DAB2IP: variants seen among roughly 807,000 people sequenced by gnomAD.
The protein encoded by DAB2IP is DAB2 interacting protein.
DAB2IP carries 28 observed loss-of-function variants against 107.2 expected under a neutral mutation model. The ratio of observed to expected loss-of-function variants is 0.26; its 90% CI spans 0.19 to 0.36. The LOEUF is 0.36. DAB2IP is among the 10% of genes least tolerant of loss of function. The pLI is 1.00. For synonymous variants in DAB2IP, 755 were observed against 706.4 expected (o/e 1.07, Z -1.09); for missense variants, 1,400 against 1,644.7 (o/e 0.85, Z 2.57).
intron 1 of DAB2IP, among the ~76,000 whole-genome samples, chr9:121,582,743 G>A (rs1238434507): frequency 1.3e-5 from 2 of 152,174 alleles, no homozygotes; most frequent in Admixed American, 1.3e-4. Flanking sequence ...ACTCTCTTCT[G>A]AGCCGGAAAC....
At chr9:121,571,474 A>G (rs1179613691) in intron 1 of DAB2IP, among the ~76,000 whole-genome samples, 1 of 152,118 alleles carries the variant, frequency 6.6e-6, no homozygotes, top group Non-Finnish European at 1.5e-5. Context: ...ATTCTCTGAT[A>G]CTTACAATCT....
intron 3 of DAB2IP, among the ~76,000 whole-genome samples, chr9:121,707,105 C>A (rs547249529): frequency 6.6e-6 from 1 of 152,186 alleles, no homozygotes; most frequent in African/African-American, 2.4e-5. Context: ...TAGGGTTATC[C>A]CCTTGTAGAC....
chr9:121,700,927 C>T (rs1829742012), intron 3 of DAB2IP, among the ~76,000 whole-genome samples: 1 of 152,200 alleles, frequency 6.6e-6, no homozygotes, highest in Non-Finnish European at 1.5e-5. Context: ...GCGCTGGGTG[C>T]AGTCACTGCG....
intron 8 of DAB2IP, 65 bp downstream of exon 8, chr9:121,763,944 A>G: frequency 6.3e-7 from 1 of 1,585,860 alleles, no homozygotes; most frequent in Non-Finnish European, 8.6e-7. Flanking sequence ...AGTGTCTGGC[A>G]CCCGCAGTGT....
intron 3 of DAB2IP, among the ~76,000 whole-genome samples, chr9:121,703,482 C>G (rs1829889588): frequency 6.6e-6 from 1 of 152,082 alleles, no homozygotes; most frequent in African/African-American, 2.4e-5. Context: ...TGTATGTGAT[C>G]TTTGGATTTG....
intron 1 of DAB2IP, among the ~76,000 whole-genome samples, chr9:121,630,311 G>A (rs989968057): frequency 1.3e-5 from 2 of 152,124 alleles, no homozygotes; most frequent in African/African-American, 4.8e-5. Context: ...AGATCACAAG[G>A]TCAGGAGTTT....
At chr9:121,663,426 C>G (rs1984037) in intron 1 of DAB2IP, among the ~76,000 whole-genome samples, 55,083 of 151,914 alleles carry the variant, frequency 0.36, 11,007 homozygotes, top group African/African-American at 0.54. Flanking sequence ...CCCCTCTGAG[C>G]AGCTGCTGTG....
intron 1 of DAB2IP, among the ~76,000 whole-genome samples, chr9:121,582,545 C>T (rs776720028): frequency 4.6e-5 from 7 of 152,024 alleles, no homozygotes; most frequent in Non-Finnish European, 1.0e-4. Flanking sequence ...CACTGGCGCC[C>T]CCGTGACTCT....
At chr9:121,688,521 C>T (rs573859398) in intron 2 of DAB2IP, among the ~76,000 whole-genome samples, 11 of 152,258 alleles carry the variant, frequency 7.2e-5, no homozygotes, top group Non-Finnish European at 1.2e-4. Flanking sequence ...GCGGATCCTT[C>T]TACCCACAAT....
chr9:121,750,438 C>G (rs1833034475), intron 3 of DAB2IP, among the ~76,000 whole-genome samples: 1 of 152,188 alleles, frequency 6.6e-6, no homozygotes, highest in Non-Finnish European at 1.5e-5. Flanking sequence ...TAAAGGGGCC[C>G]CCCGGCTCCT....
chr9:121,651,897 G>A lies in DAB2IP; in HGVS notation c.122G>A (p.Arg41Lys), dbSNP rs1832758567. ...TCCCGCAGCCGGACCCGGCCTGCCA[G>A]GGGTAGGCGCCACCCCGACCCCTGA... The change falls in exon 1 of 16, where the codon AGG becomes AAG. Residue 41 changes from arginine to lysine, a missense_variant and splice_region_variant. This residue lies in a region of DAB2IP where 283 missense variants were observed against 237.0 expected (regional missense o/e 1.19). Transcript: ENST00000408936. This position sits in a 1 kb window ranked among gnomAD's most constrained non-coding sequence, Gnocchi z 5.1. 1 of 1,398,918 alleles carries A rather than the reference G, an allele frequency of 7.1e-7. No individual in the cohort carries two copies. The highest frequency in any genetic ancestry group is 9.3e-7 in the Non-Finnish European group (1 of 1,069,636). 86.7% of individuals were successfully genotyped at this position (1,398,918 alleles called of 1,614,324 possible).
intron 3 of DAB2IP, among the ~76,000 whole-genome samples, chr9:121,755,590 GC>G (rs777209757): frequency 2.1e-4 from 32 of 152,194 alleles, no homozygotes; most frequent in Non-Finnish European, 3.4e-4. Flanking sequence ...ACGGCATCTA[GC>G]ATGGGACTCC....
chr9:121,630,526 TAA>T (rs111323086), intron 1 of DAB2IP, among the ~76,000 whole-genome samples: 3 of 103,458 alleles, frequency 2.9e-5, no homozygotes, highest in African/African-American at 1.8e-4. Context: ...CTCCATCTCA[TAA>T]AAAAATTTTT....
intron 1 of DAB2IP, among the ~76,000 whole-genome samples, chr9:121,656,249 A>G (rs1832968837): frequency 1.3e-5 from 2 of 151,622 alleles, no homozygotes; most frequent in Admixed American, 6.6e-5. Context: ...CTCAGGTGAT[A>G]CACCCGCCTC....
chr9:121,692,034 A>G (rs1403063525), intron 2 of DAB2IP, among the ~76,000 whole-genome samples: 1 of 152,204 alleles, frequency 6.6e-6, no homozygotes, highest in East Asian at 1.9e-4. Flanking sequence ...TTATCTTGGA[A>G]GCCGTTAAGA....
intron 1 of DAB2IP, among the ~76,000 whole-genome samples, chr9:121,597,304 G>A (rs1489100353): frequency 2.0e-5 from 3 of 152,024 alleles, no homozygotes; most frequent in Non-Finnish European, 2.9e-5. Flanking sequence ...TGTGAGGTAG[G>A]GATTCAGCTC....
intron 1 of DAB2IP, among the ~76,000 whole-genome samples, chr9:121,622,206 T>G (rs987315529): frequency 6.6e-6 from 1 of 152,028 alleles, no homozygotes; most frequent in Non-Finnish European, 1.5e-5. Context: ...GCCACGATGG[T>G]CTCGATTTCC....
chr9:121,588,263 A>G (rs1830348509), intron 1 of DAB2IP, among the ~76,000 whole-genome samples: 1 of 152,104 alleles, frequency 6.6e-6, no homozygotes, highest in East Asian at 1.9e-4. Flanking sequence ...CTTCTGTCTC[A>G]AGAAGAGCCG....
At chr9:121,734,052 C>G (rs1375635069) in intron 3 of DAB2IP, among the ~76,000 whole-genome samples, 1 of 152,246 alleles carries the variant, frequency 6.6e-6, no homozygotes, top group Admixed American at 6.5e-5. Flanking sequence ...CAAGAATGGT[C>G]ACTGTGTACT....
Sources: gnomAD v4.1 joint callset for allele counts (sites outside exome capture counted in the v4.1 genomes callset) on GRCh38, gnomAD v4.1.1 for gene constraint, gnomAD v4.1.1 regional missense constraint, Gnocchi (gnomAD v3.1) non-coding constraint, MANE v1.5 for transcripts, NCBI Gene and HGNC (gene_info 2026-07-23, HGNC 2026-07-21) for gene names.